The following RNF32 variants were observed in gnomAD, a reference collection of about 807,000 sequenced individuals.
RNF32 encodes ring finger protein 32.
Under a neutral mutation model 41.0 loss-of-function variants are expected in RNF32, and 36 were observed. The ratio of observed to expected loss-of-function variants is 0.88; its 90% confidence interval spans 0.67 to 1.16. The LOEUF (loss-of-function observed/expected upper bound fraction) is 1.16. Among genes scored for constraint, RNF32 ranks in the 50% most tolerant of loss-of-function variants. RNF32 has a pLI of 0.00. For synonymous variants in RNF32, 154 were observed against 160.9 expected, an observed-to-expected ratio of 0.96 and a Z score of 0.32; for missense variants, 413 against 436.7, an observed-to-expected ratio of 0.95 and a Z score of 0.48.
chr7:156,676,304 TC>T lies in RNF32; in HGVS notation c.853-113del. 2.5e-6 allele frequency: 4 copies of T among 1,606,288 alleles called. No homozygotes were observed. In the South Asian group the frequency reaches 3.3e-5, roughly 13 times the overall value. The stretch of plus-strand genomic sequence containing the variant: ...TGTGATTTTAACACAGAATGAAACT[TC>T]CGCATGTTTCGAAGACCCATGTCTC... On this transcript the variant is annotated intron_variant, in intron 8 of 8. Coordinates refer to ENST00000317955, the MANE Select transcript of RNF32 (RefSeq NM_030936.4).
intron 7 of RNF32, chr7:156,659,447 T>A: frequency 2.0e-6 from 2 of 985,454 alleles, no homozygotes; most frequent in Non-Finnish European, 1.2e-6. Flanking sequence ...TGCGTCATCC[T>A]TCCTTTACAT....
chr7:156,663,386 T>G (rs1030462354), intron 7 of RNF32, among the ~76,000 whole-genome samples: 1 of 152,200 alleles, frequency 6.6e-6, no homozygotes, highest in Non-Finnish European at 1.5e-5. Context: ...TATTACAATT[T>G]TACATTATAT....
chr7:156,647,272 G>A (rs1301620653), intron 3 of RNF32, among the ~76,000 whole-genome samples: 1 of 152,046 alleles, frequency 6.6e-6, no homozygotes, highest in East Asian at 1.9e-4. Context: ...ATATAGTGGT[G>A]AATTCTGAGA....
chr7:156,658,136 T>C lies in RNF32; in HGVS notation c.459T>C (p.Leu153=), dbSNP rs201995911. Residue 153 remains leucine (L), a synonymous_variant, in exon 6 of 9, where the codon CTT becomes CTC. Transcript: ENST00000317955. ...SCSHVFHKAC[L]QAFEKFTNKK... ...GAAATGTTTTTCTTCAGGCATGTCT[T>C]CAGGCTTTTGAAAAGTTCACAAATA... The C allele has an allele frequency of 3.0e-4, 485 of 1,613,708 alleles. 1 individual carries two copies. Among genetic ancestry groups the C allele is most frequent in the Non-Finnish European group, 4.0e-4 (471 of 1,179,834 alleles).
rs991158478 is a variant in RNF32 at position 156,659,858 on chromosome 7, T to C, written c.684+1288T>C. On this transcript the variant is annotated intron_variant, in intron 7 of 8. Coordinates refer to ENST00000317955, the MANE Select transcript of RNF32 (RefSeq NM_030936.4). ...TCAAATGCTGCAGCCTTCAGCTTCATGGAAAAAGGAAACGAAAAATAACAA... is the reference window on the plus strand; with the variant it reads ...TCAAATGCTGCAGCCTTCAGCTTCACGGAAAAAGGAAACGAAAAATAACAA... The C allele has an allele frequency of 1.3e-5, 13 of 967,372 alleles. No homozygotes were observed. In the African/African-American group the frequency reaches 2.3e-4, roughly 17 times the overall value. The allele number at this position is 967,372 out of a possible 1,614,324, so 59.9% of individuals were successfully genotyped here. A position where few individuals can be genotyped will look rare whatever the true frequency, so the allele number is the denominator to read the frequency against.
chr7:156,651,753 C>G (rs75414062), intron 3 of RNF32, among the ~76,000 whole-genome samples: 3 of 152,162 alleles, frequency 2.0e-5, no homozygotes, highest in African/African-American at 7.2e-5. Context: ...ACCTGAAGTT[C>G]TGTCTCATTT....
rs1256470863 is a variant in RNF32 at position 156,659,303 on chromosome 7, A to G, written c.684+733A>G. The stretch of plus-strand genomic sequence containing the variant: ...TGCTGGAAATTCTGTATTTATTATC[A>G]CTATTAACTCCTTTCCTAGAATATG... On this transcript the variant is annotated intron_variant, in intron 7 of 8. Coordinates refer to ENST00000317955, the MANE Select transcript of RNF32 (RefSeq NM_030936.4). 18 of 998,916 alleles carry G rather than the reference A, an allele frequency of 1.8e-5. No homozygotes were observed. The South Asian group carries it at 7.4e-4, about 41-fold the overall frequency. 61.9% of individuals were successfully genotyped at this position (998,916 alleles called of 1,614,324 possible). A position where few individuals can be genotyped will look rare whatever the true frequency, so the allele number is the denominator to read the frequency against.
At chr7:156,664,466 A>G (rs1315241125) in intron 7 of RNF32, among the ~76,000 whole-genome samples, 2 of 152,226 alleles carry the variant, frequency 1.3e-5, no homozygotes, top group Non-Finnish European at 2.9e-5. Context: ...CATCCAAAAA[A>G]AAAAGAAAGA....
chr7:156,667,510 T>C lies in RNF32; in HGVS notation c.685-8186T>C, dbSNP rs146185180. On this transcript the variant is annotated intron_variant, in intron 7 of 8. Coordinates refer to ENST00000317955, the MANE Select transcript of RNF32 (RefSeq NM_030936.4). ...GTAAAATTGAAAATGTTTAGGTATT[T>C]TGTCTGTTTCTGTAAAATTCATAAT... Among the ~76,000 whole-genome samples the C allele has an allele frequency of 8.2e-3, 1,250 of 152,330 alleles. 25 individuals carry two copies. The highest frequency in any genetic ancestry group is 0.028 in the African/African-American group (1,147 of 41,560).
At chr7:156,649,723 G>A (rs1203581895) in intron 3 of RNF32, among the ~76,000 whole-genome samples, 2 of 152,116 alleles carry the variant, frequency 1.3e-5, no homozygotes, top group African/African-American at 4.8e-5. Context: ...AAATTACAGT[G>A]ACAGACTCTG....
At chr7:156,662,754 G>A (rs1034035441) in intron 7 of RNF32, among the ~76,000 whole-genome samples, 2 of 151,488 alleles carry the variant, frequency 1.3e-5, no homozygotes, top group Non-Finnish European at 2.9e-5. Flanking sequence ...TAGCAAACGT[G>A]GAAAGAAATT....
chr7:156,640,662 A>T (rs770311167), upstream of RNF32: 4 of 338,280 alleles, frequency 1.2e-5, no homozygotes, highest in Admixed American at 1.2e-4. Context: ...CATGCGCAGT[A>T]TGGGGCGGGG....
intron 3 of RNF32, among the ~76,000 whole-genome samples, chr7:156,651,226 T>C (rs1798680427): frequency 6.6e-6 from 1 of 151,496 alleles, no homozygotes; most frequent in South Asian, 2.1e-4. Flanking sequence ...TTTTTTTTTT[T>C]TTTTTGACAC....
At position 156,657,539 on chromosome 7, in the gene RNF32, A is replaced by G. The variant is rs781359112; in HGVS notation, c.418-2A>G. Reference sequence around the variant, plus strand: ...AACGTCGTTCTGTTTCCTCATGAACAGGTGCTGCTTTCATGCTCCCATGTG... The same window carrying G: ...AACGTCGTTCTGTTTCCTCATGAACGGGTGCTGCTTTCATGCTCCCATGTG... On this transcript the variant is annotated splice_acceptor_variant, in intron 4 of 8. Coordinates refer to ENST00000317955, the MANE Select transcript of RNF32 (RefSeq NM_030936.4). LOFTEE classifies it high-confidence loss of function. 1.2e-6 allele frequency: 2 copies of G among 1,614,168 alleles called. No homozygotes were observed. The highest frequency in any genetic ancestry group is 1.7e-6 in the Non-Finnish European group (2 of 1,179,988).
intron 7 of RNF32, among the ~76,000 whole-genome samples, chr7:156,660,843 A>G (rs1038477304): frequency 1.3e-5 from 2 of 152,232 alleles, no homozygotes; most frequent in Non-Finnish European, 2.9e-5. Context: ...GGTTTCATAC[A>G]TTTTAGGGAG....
chr7:156,664,329 C>T lies in RNF32; in HGVS notation c.684+5759C>T, dbSNP rs368033688. ...ATACAATATTAGCCGGGCGTGGTGGCGCACGCCTGTAATCCCAGCTACTCA... is the reference window on the plus strand; with the variant it reads ...ATACAATATTAGCCGGGCGTGGTGGTGCACGCCTGTAATCCCAGCTACTCA... On this transcript the variant is annotated intron_variant, in intron 7 of 8. Transcript: ENST00000317955. 9.7e-4 allele frequency among the ~76,000 whole-genome samples: 147 copies of T among 152,188 alleles called. 1 individual carries two copies. In the South Asian group the frequency reaches 0.022, roughly 22 times the overall value.
chr7:156,676,117 T>G, intron 8 of RNF32: 1 of 849,470 alleles, frequency 1.2e-6, no homozygotes, highest in Non-Finnish European at 1.8e-6. Flanking sequence ...ACTTTCCTCA[T>G]GGGCTTTAGG....
In RNF32 at chr7:156,660,874, C is replaced by T. The variant is rs1800546864; in HGVS notation, c.684+2304C>T. On this transcript the variant is annotated intron_variant, in intron 7 of 8. Coordinates refer to ENST00000317955, the MANE Select transcript of RNF32 (RefSeq NM_030936.4). ...GGGAGGCAGGAGTTACAGGCAAAGA[C>T]ATCAGTCAGTACATGGAAGTTATAC... 2.0e-5 allele frequency among the ~76,000 whole-genome samples: 3 copies of T among 152,220 alleles called. No homozygotes were observed. In the East Asian group the frequency reaches 5.8e-4, roughly 29 times the overall value.
chr7:156,658,629 G>A, intron 7 of RNF32, 59 bp downstream of exon 7: 2 of 1,140,044 alleles, frequency 1.8e-6, no homozygotes, highest in Non-Finnish European at 1.3e-6. Flanking sequence ...TTCACTTGGG[G>A]TCAGGAAGGC....
Sources: gnomAD v4.1 joint callset for allele counts (sites outside exome capture counted in the v4.1 genomes callset) on GRCh38, gnomAD v4.1.1 for gene constraint, MANE v1.5 for transcripts, NCBI Gene and HGNC (gene_info 2026-07-23, HGNC 2026-07-21) for gene names.